Variants in NFATC1 observed in about 807,000 individuals in gnomAD.
NFATC1 encodes nuclear factor of activated T-cells, cytoplasmic 1.
A neutral mutation model predicts 76.0 loss-of-function variants in NFATC1; 22 were observed. The observed-to-expected ratio is 0.29, with a 90% CI of 0.21 to 0.41. The LOEUF is 0.41. Ranked by LOEUF, NFATC1 falls within the 10% of genes least tolerant of loss-of-function variation. NFATC1 has a pLI of 1.00. For synonymous variants in NFATC1, 704 were observed against 613.1 expected (o/e 1.15, Z -2.19); for missense variants, 1,357 against 1,337.7 (o/e 1.01, Z -0.23).
At chr18:79,437,068 G>A (rs979828511) in intron 3 of NFATC1, among the ~76,000 whole-genome samples, 4 of 152,210 alleles carry the variant, frequency 2.6e-5, no homozygotes, top group African/African-American at 9.6e-5. Flanking sequence ...CCCTGGAGCC[G>A]TCTGCGAGGG....
chr18:79,407,349 G>A (rs559231119), intron 1 of NFATC1, among the ~76,000 whole-genome samples: 1 of 152,322 alleles, frequency 6.6e-6, no homozygotes, highest in South Asian at 2.1e-4. Flanking sequence ...CCTGACCAGA[G>A]GCCAGGCTGG....
chr18:79,458,778 G>A (rs1466642847), intron 6 of NFATC1, among the ~76,000 whole-genome samples: 2 of 152,238 alleles, frequency 1.3e-5, no homozygotes, highest in African/African-American at 2.4e-5. Context: ...GCTGGGAGCC[G>A]CCATGGCGAT....
At chr18:79,403,901 G>A (rs540184975) in intron 1 of NFATC1, among the ~76,000 whole-genome samples, 2 of 152,340 alleles carry the variant, frequency 1.3e-5, no homozygotes, top group African/African-American at 4.8e-5. Context: ...GAGGTCCCAG[G>A]GGAGAGCTGA....
At chr18:79,439,387 G>A (rs1217010696) in intron 3 of NFATC1, among the ~76,000 whole-genome samples, 1 of 152,034 alleles carries the variant, frequency 6.6e-6, no homozygotes, top group South Asian at 2.1e-4. Flanking sequence ...CGGGGAGGAC[G>A]CCGTGGGGTG....
intron 3 of NFATC1, among the ~76,000 whole-genome samples, chr18:79,439,781 C>T (rs547629295): frequency 5.3e-5 from 8 of 152,316 alleles, no homozygotes; most frequent in African/African-American, 1.9e-4. Context: ...TATTTCTCCC[C>T]TAAAGCAAAG....
At chr18:79,450,660 GGGTGGAGGCTGGAGGCTGGAGGAA>G in intron 4 of NFATC1, among the ~76,000 whole-genome samples, 1 of 152,294 alleles carries the variant, frequency 6.6e-6, no homozygotes, top group South Asian at 2.1e-4. Context: ...CAGGGGTGGA[GGGTGGAGGCTGGAGGCTGGAGGAA>G]GGTGGGAAGG....
At chr18:79,499,384 C>T (rs2089966854) in intron 9 of NFATC1, among the ~76,000 whole-genome samples, 1 of 152,162 alleles carries the variant, frequency 6.6e-6, no homozygotes, top group Non-Finnish European at 1.5e-5. Context: ...AAAAAATGCA[C>T]TTAAATGATA....
chr18:79,487,616 G>A (rs1001247459), intron 9 of NFATC1, among the ~76,000 whole-genome samples: 1 of 152,246 alleles, frequency 6.6e-6, no homozygotes, highest in Non-Finnish European at 1.5e-5. Context: ...GGCGGGTGGT[G>A]TGGGGCGTCT....
chr18:79,429,358 T>A (rs2086508290), intron 2 of NFATC1, among the ~76,000 whole-genome samples: 1 of 152,080 alleles, frequency 6.6e-6, no homozygotes, highest in South Asian at 2.1e-4. Context: ...GGATGCAAAT[T>A]TCACCCGAGC....
rs369438137 is a variant in NFATC1, at chr18:79,403,111, G to A, written c.127+6760G>A. Among the ~76,000 whole-genome samples, 12 of 152,334 alleles carry A rather than the reference G, an allele frequency of 7.9e-5. No homozygotes were observed. In the East Asian group the frequency reaches 1.5e-3, roughly 20 times the overall value. On this transcript the variant is annotated intron_variant, in intron 1 of 9. Coordinates refer to ENST00000427363, the MANE Select transcript of NFATC1 (RefSeq NM_001278669.2). ...AGCTGAGGTCAGTGTACCGGGGTTGGGGGCTGCAGCCGCAGGGTGGCTGAC... is the reference window on the plus strand; with the variant it reads ...AGCTGAGGTCAGTGTACCGGGGTTGAGGGCTGCAGCCGCAGGGTGGCTGAC...
chr18:79,400,675 C>T (rs1328835803), intron 1 of NFATC1, among the ~76,000 whole-genome samples: 1 of 63,004 alleles, frequency 1.6e-5, no homozygotes, highest in African/African-American at 4.3e-5. Context: ...GCGCTCGCGG[C>T]GGGGTCCTGG....
At chr18:79,521,151 TA>T (rs1465883412) in intron 9 of NFATC1, among the ~76,000 whole-genome samples, 4 of 25,322 alleles carry the variant, frequency 1.6e-4, no homozygotes, top group African/African-American at 5.1e-4. Flanking sequence ...TGTGTGTGTG[TA>T]GGGGGGGAGC....
At chr18:79,422,408 G>A (rs1390611460) in intron 2 of NFATC1, 7 of 152,096 alleles carry the variant, frequency 4.6e-5, no homozygotes, top group Non-Finnish European at 7.4e-5. Context: ...AAGAGTCCGC[G>A]TGTGCAGTGA....
chr18:79,447,126 C>T (rs1004954868), intron 3 of NFATC1, among the ~76,000 whole-genome samples: 6 of 152,212 alleles, frequency 3.9e-5, no homozygotes, highest in Non-Finnish European at 5.9e-5. Flanking sequence ...GTTCAGCCAC[C>T]GGTGAGATTG....
At chr18:79,482,994 T>TA in intron 8 of NFATC1, among the ~76,000 whole-genome samples, 1 of 136,200 alleles carries the variant, frequency 7.3e-6, no homozygotes, top group Non-Finnish European at 1.6e-5. Context: ...TAGCGTGACC[T>TA]GGTCCTGGGG....
intron 9 of NFATC1, among the ~76,000 whole-genome samples, chr18:79,523,226 G>T (rs1039935549): frequency 6.6e-6 from 1 of 152,192 alleles, no homozygotes; most frequent in African/African-American, 2.4e-5. Context: ...CAGAAACCGG[G>T]CATTCAGAAA....
chr18:79,519,904 G>C (rs576538519), intron 9 of NFATC1, among the ~76,000 whole-genome samples: 2 of 152,162 alleles, frequency 1.3e-5, no homozygotes, highest in Admixed American at 6.5e-5. Flanking sequence ...GCTCGCTGTC[G>C]CTCCTTTGCT....
intron 6 of NFATC1, among the ~76,000 whole-genome samples, chr18:79,457,924 C>T (rs2280055): frequency 0.28 from 42,114 of 152,104 alleles, 8,045 homozygotes; most frequent in African/African-American, 0.54. Flanking sequence ...CAGGTCGGGA[C>T]GTGGGGTCTT....
intron 3 of NFATC1, among the ~76,000 whole-genome samples, chr18:79,439,135 G>A (rs1389848602): frequency 1.3e-5 from 2 of 152,152 alleles, no homozygotes; most frequent in African/African-American, 2.4e-5. Flanking sequence ...ACCACAGCAC[G>A]CACTGTTCCA....
Sources: gnomAD v4.1 joint callset for allele counts (sites outside exome capture counted in the v4.1 genomes callset) on GRCh38, gnomAD v4.1.1 for gene constraint, MANE v1.5 for transcripts, NCBI Gene and HGNC (gene_info 2026-07-23, HGNC 2026-07-21) for gene names.